Variants in ZNF536 observed in about 807,000 individuals in gnomAD.
ZNF536 encodes zinc finger protein 536.
A neutral mutation model predicts 84.5 loss-of-function variants in ZNF536; 13 were observed. The ratio of observed to expected loss-of-function variants is 0.15; its 90% confidence interval spans 0.10 to 0.24. The LOEUF is 0.24. Among genes scored for constraint, ZNF536 ranks in the 10% least tolerant of loss-of-function variants. The pLI is 1.00. For synonymous variants in ZNF536, 811 were observed against 742.5 expected (o/e 1.09, Z -1.50); for missense variants, 1,536 against 1,747.5 (o/e 0.88, Z 2.16).
chr19:30,228,757 CG>C lies in ZNF536; in HGVS notation c.-190+87del, dbSNP rs1398489859. The C allele has an allele frequency of 1.3e-5, 2 of 150,984 alleles. No individual in the cohort carries two copies. The highest frequency in any genetic ancestry group is 3.0e-5 in the Non-Finnish European group (2 of 67,752). The allele number at this position is 150,984 out of a possible 1,614,324, so 9.4% of individuals were successfully genotyped here. A position where few individuals can be genotyped will look rare whatever the true frequency, so the allele number is the denominator to read the frequency against. ...AGGTGCCGCGAGCTGCGCGCCGCCC[CG>C]GGCCGGCCTCGCGTGTGGGCGGCTG... is the stretch of plus-strand genomic sequence containing the variant. On this transcript the variant is annotated intron_variant, in intron 1 of 5. Coordinates refer to the ZNF536 transcript ENST00000585628. The surrounding 1 kb of genome is among the most constrained non-coding windows in gnomAD (Gnocchi z 4.5).
intron 3 of ZNF536, among the ~76,000 whole-genome samples, chr19:30,363,227 C>T (rs555092789): frequency 6.6e-6 from 1 of 152,244 alleles, no homozygotes; most frequent in East Asian, 1.9e-4. Flanking sequence ...CCCCACCTGC[C>T]CAGAGCGCTG....
At chr19:30,578,524 C>T (rs1006339977) in intron 1 of ZNF536, among the ~76,000 whole-genome samples, 2 of 152,222 alleles carry the variant, frequency 1.3e-5, no homozygotes, top group African/African-American at 4.8e-5. Flanking sequence ...AATCTCTGGC[C>T]TGGTCTCTAT....
intron 1 of ZNF536, among the ~76,000 whole-genome samples, chr19:30,614,389 CTATA>C (rs374535317): frequency 7.2e-6 from 1 of 138,670 alleles, no homozygotes; most frequent in African/African-American, 2.7e-5. Context: ...TTATACATAA[CTATA>C]TATATATATA....
intron 2 of ZNF536, among the ~76,000 whole-genome samples, chr19:30,531,717 C>G (rs200750607): frequency 6.6e-6 from 1 of 152,070 alleles, no homozygotes; most frequent in Non-Finnish European, 1.5e-5. Flanking sequence ...CTCGACCTCT[C>G]GAGTTCAAGC....
chr19:30,505,026 A>C (rs907753314), intron 2 of ZNF536, among the ~76,000 whole-genome samples: 1 of 152,104 alleles, frequency 6.6e-6, no homozygotes, highest in Admixed American at 6.5e-5. Context: ...AACTTATGAG[A>C]TTGATAACAA....
chr19:30,642,027 C>A lies in ZNF536; in HGVS notation c.170-68730C>A, dbSNP rs546052027. On this transcript the variant is annotated intron_variant, in intron 1 of 1. Transcript: ENST00000592773. ...TGAGAAAAAAGCACAGCAAAGTTTG[C>A]GGGACCACCTCCCTCTGCAATGGCT... 2.8e-4 allele frequency among the ~76,000 whole-genome samples: 42 copies of A among 152,236 alleles called. 1 individual carries two copies. In the South Asian group the frequency reaches 7.1e-3, roughly 26 times the overall value.
chr19:30,506,523 C>A (rs2055180548), intron 2 of ZNF536, among the ~76,000 whole-genome samples: 1 of 152,144 alleles, frequency 6.6e-6, no homozygotes, highest in African/African-American at 2.4e-5. Context: ...CTTCTAGGGC[C>A]CCCTTTGTGC....
chr19:30,260,567 G>A (rs1374970438), intron 1 of ZNF536, among the ~76,000 whole-genome samples: 2 of 152,228 alleles, frequency 1.3e-5, no homozygotes, highest in East Asian at 3.9e-4. Context: ...GAGCTTTCTT[G>A]GCAGTGAGAG....
At chr19:30,579,114 T>C (rs1299752874) in intron 1 of ZNF536, among the ~76,000 whole-genome samples, 1 of 152,218 alleles carries the variant, frequency 6.6e-6, no homozygotes, top group African/African-American at 2.4e-5. Context: ...TACAGGCTAG[T>C]TGTTCTTTTA....
chr19:30,600,649 G>A (rs537070462), intron 1 of ZNF536, among the ~76,000 whole-genome samples: 12 of 152,334 alleles, frequency 7.9e-5, no homozygotes, highest in East Asian at 7.7e-4. Context: ...CTGGCGCCCC[G>A]GAGGAGGACA....
At chr19:30,618,602 G>A (rs563885745) in intron 1 of ZNF536, among the ~76,000 whole-genome samples, 68 of 152,050 alleles carry the variant, frequency 4.5e-4, no homozygotes, top group Middle Eastern at 6.9e-3. Context: ...TTTGTCTTAT[G>A]TTATCTGAGC....
At chr19:30,311,160 T>C (rs541572021) in intron 2 of ZNF536, among the ~76,000 whole-genome samples, 98 of 152,246 alleles carry the variant, frequency 6.4e-4, no homozygotes, top group African/African-American at 2.1e-3. Flanking sequence ...GGGGCCTCTC[T>C]GTGCTTCCTG....
At chr19:30,604,104 G>C (rs1390181977) in intron 1 of ZNF536, among the ~76,000 whole-genome samples, 1 of 151,994 alleles carries the variant, frequency 6.6e-6, no homozygotes, top group Admixed American at 6.6e-5. Context: ...TAAAAAAAAA[G>C]TGTGCACAGG....
At chr19:30,614,772 A>C (rs1339110418) in intron 1 of ZNF536, among the ~76,000 whole-genome samples, 3 of 150,966 alleles carry the variant, frequency 2.0e-5, no homozygotes, top group African/African-American at 7.3e-5. Context: ...TTATGTTGTA[A>C]ATATTTTTCC....
intron 3 of ZNF536, among the ~76,000 whole-genome samples, chr19:30,543,160 G>C (rs888953722): frequency 6.6e-6 from 1 of 152,188 alleles, no homozygotes; most frequent in Non-Finnish European, 1.5e-5. Context: ...GTTGGTTAGA[G>C]TTGAGTGACA....
chr19:30,341,009 A>T (rs977341013), intron 2 of ZNF536, among the ~76,000 whole-genome samples: 4 of 152,222 alleles, frequency 2.6e-5, no homozygotes, highest in Admixed American at 6.5e-5. Context: ...TGTTTTTTCA[A>T]TCTGTGACCC....
At chr19:30,712,255 A>G (rs2052475201) in exon 2 of ZNF536, 1 of 152,106 alleles carries the variant, frequency 6.6e-6, no homozygotes, top group African/African-American at 2.4e-5. Context: ...TTAACTCATT[A>G]AAAAAATGAT....
intron 3 of ZNF536, among the ~76,000 whole-genome samples, chr19:30,543,896 G>A (rs10414832): frequency 0.021 from 3,153 of 152,202 alleles, 107 homozygotes; most frequent in African/African-American, 0.072. Flanking sequence ...GAGGTTCACA[G>A]CTCAACCTCT....
chr19:30,699,210 G>A (rs1568683444), intron 1 of ZNF536, among the ~76,000 whole-genome samples: 1 of 152,076 alleles, frequency 6.6e-6, no homozygotes, highest in Non-Finnish European at 1.5e-5. Flanking sequence ...TCTCCAAGGA[G>A]CCCTGGTTCC....
Sources: allele counts gnomAD v4.1 joint callset (sites outside exome capture counted in the v4.1 genomes callset), GRCh38; gene constraint gnomAD v4.1.1; non-coding constraint Gnocchi (gnomAD v3.1); transcripts MANE v1.5; gene names NCBI Gene and HGNC (gene_info 2026-07-23, HGNC 2026-07-21).